The following MLXIPL variants were observed in gnomAD, a reference collection of about 807,000 sequenced individuals.
MLXIPL encodes MLX interacting protein like.
In MLXIPL, 49 loss-of-function variants were observed where a neutral mutation model predicts 81.5. The ratio of observed to expected loss-of-function variants is 0.60; its 90% CI spans 0.48 to 0.76. The LOEUF (loss-of-function observed/expected upper bound fraction) is 0.76. Among genes scored for constraint, MLXIPL ranks in the 30% least tolerant of loss-of-function variants. The pLI is 0.00. For synonymous variants in MLXIPL, 466 were observed against 485.5 expected (o/e 0.96, Z 0.53); for missense variants, 1,053 against 1,167.0 (o/e 0.90, Z 1.42).
the MLXIPL span, among the ~76,000 whole-genome samples, chr7:73,647,779 A>G: frequency 7.3e-5 from 11 of 151,640 alleles, no homozygotes; most frequent in African/African-American, 2.7e-4. Flanking sequence ...CCTCACCTGG[A>G]ATCCGCTCGA....
the MLXIPL span, among the ~76,000 whole-genome samples, chr7:73,642,136 A>T: frequency 6.6e-6 from 1 of 152,088 alleles, no homozygotes; most frequent in Non-Finnish European, 1.5e-5. Flanking sequence ...GCACTCAGTA[A>T]ATCATTTTAC....
At chr7:73,627,090 C>T (rs1796766881), upstream of MLXIPL, among the ~76,000 whole-genome samples, 1 of 152,118 alleles carries the variant, frequency 6.6e-6, no homozygotes, top group African/African-American at 2.4e-5. Context: ...TCCCAGGAGC[C>T]CCAGCTGTTC....
rs572195722 is a variant in MLXIPL at position 73,601,599 on chromosome 7, C to T, written c.902-1904G>A. Among the ~76,000 whole-genome samples, 3 of 152,250 alleles carry T rather than the reference C, an allele frequency of 2.0e-5. No homozygotes were observed. In the South Asian group the frequency reaches 6.2e-4, roughly 32 times the overall value. ...AGGTTGGAATGCGGTGGCACCATCTCGGCTCACTGCAACCTCCACCTCCTG... is the reference window on the plus strand; with the variant it reads ...AGGTTGGAATGCGGTGGCACCATCTTGGCTCACTGCAACCTCCACCTCCTG... On this transcript the variant is annotated intron_variant, in intron 7 of 16. Transcript: ENST00000313375.
chr7:73,621,629 G>C (rs1796351340), intron 1 of MLXIPL, among the ~76,000 whole-genome samples: 1 of 151,118 alleles, frequency 6.6e-6, no homozygotes, highest in Non-Finnish European at 1.5e-5. Flanking sequence ...CTACCAAATG[G>C]GGAAATCTAG....
intron 7 of MLXIPL, among the ~76,000 whole-genome samples, chr7:73,601,176 A>AGT (rs55639253): frequency 0.038 from 5,228 of 137,660 alleles, 93 homozygotes; most frequent in South Asian, 0.087. Context: ...TGCAGGGTCA[A>AGT]GTGTGTGTGT....
chr7:73,594,520 C>T (rs1554593028), intron 15 of MLXIPL, 117 bp from the exon 16 acceptor site: 6 of 1,290,854 alleles, frequency 4.6e-6, no homozygotes, highest in Non-Finnish European at 4.4e-6. Flanking sequence ...TAACGTTGAA[C>T]CCCAATGACT....
chr7:73,631,157 C>T, the MLXIPL span, among the ~76,000 whole-genome samples: 2 of 151,902 alleles, frequency 1.3e-5, no homozygotes, highest in Non-Finnish European at 2.9e-5. Flanking sequence ...TACAGGTGCC[C>T]GCCACCACGC....
At chr7:73,647,883 C>T in the MLXIPL span, among the ~76,000 whole-genome samples, 2 of 151,072 alleles carry the variant, frequency 1.3e-5, no homozygotes, top group African/African-American at 2.4e-5. Flanking sequence ...CCGGCGCCTT[C>T]TCCGCGCGGG....
Position 73,605,731 on chromosome 7 carries a change from C to G in MLXIPL, c.858G>C (p.Leu286=). 1 of 1,613,740 alleles carries G rather than the reference C, an allele frequency of 6.2e-7. No homozygotes were observed. The highest frequency in any genetic ancestry group is 8.5e-7 in the Non-Finnish European group (1 of 1,179,898). ...VGNADMIQPD[L]TPLQPSLDDF... The stretch of plus-strand genomic sequence containing the variant: ...CATCCAGGCTTGGCTGCAGTGGCGT[C>G]AGGTCCGGCTGGATCATGTCAGCAT... Residue 286 remains leucine, a synonymous_variant, in exon 7 of 17, where the codon CTG becomes CTC. Transcript: ENST00000313375.
At chr7:73,602,125 T>TTCCTTCCTTCCTTCCTTCCTTCCC in intron 7 of MLXIPL, among the ~76,000 whole-genome samples, 1 of 145,706 alleles carries the variant, frequency 6.9e-6, no homozygotes, top group East Asian at 2.0e-4. Context: ...CCTGCCTGCC[T>TTCCTTCCTTCCTTCCTTCCTTCCC]GCCTGCCTTC....
At chr7:73,599,410 A>G in intron 8 of MLXIPL, 116 bp downstream of exon 8, 1 of 1,319,324 alleles carries the variant, frequency 7.6e-7, no homozygotes, top group Non-Finnish European at 1.1e-6. Flanking sequence ...TTTCCCTCCA[A>G]TCTCCAAGCA....
chr7:73,596,742 C>A lies in MLXIPL; in HGVS notation c.1719G>T (p.Pro573=), dbSNP rs200461807. ...EFPCTFLPPT[P]APTPPRPPPG... ...GAGGTGGCCGGGGCGGTGTAGGGGCCGGGGTCGGGGGAAGGAATGTGCAGG... is the reference window on the plus strand; with the variant it reads ...GAGGTGGCCGGGGCGGTGTAGGGGCAGGGGTCGGGGGAAGGAATGTGCAGG... The change falls in exon 11 of 17, where the codon CCG becomes CCT. Residue 573 remains proline, a synonymous_variant. Coordinates refer to ENST00000313375, the MANE Select transcript of MLXIPL (RefSeq NM_032951.3). This position sits in a 1 kb window ranked among gnomAD's most constrained non-coding sequence, Gnocchi z 4.7. The A allele has an allele frequency of 1.9e-6, 3 of 1,595,452 alleles. No individual in the cohort carries two copies.
chr7:73,628,106 G>A (rs972398870), upstream of MLXIPL, among the ~76,000 whole-genome samples: 1 of 152,110 alleles, frequency 6.6e-6, no homozygotes, highest in African/African-American at 2.4e-5. Flanking sequence ...ACGGGCATGA[G>A]CCACTGTGCC....
the MLXIPL span, among the ~76,000 whole-genome samples, chr7:73,629,909 G>A: frequency 6.6e-6 from 1 of 152,094 alleles, no homozygotes; most frequent in Non-Finnish European, 1.5e-5. Flanking sequence ...CCTTTATGGA[G>A]CACTTACCAC....
rs1353208686 is a variant in MLXIPL at position 73,596,502 on chromosome 7, C to T, written c.1823-23G>A. ...TGCCTGTGGTAGGGACAGACAGACC[C>T]ACAGAAAGACCGACCCAGGGGAAAG... is the stretch of plus-strand genomic sequence containing the variant. On this transcript the variant is annotated intron_variant, in intron 11 of 16. Transcript: ENST00000313375. This position sits in a 1 kb window ranked among gnomAD's most constrained non-coding sequence, Gnocchi z 4.7. 1.2e-6 allele frequency: 2 copies of T among 1,612,414 alleles called. No homozygotes were observed. Among genetic ancestry groups the T allele is most frequent in the South Asian group, 1.1e-5 (1 of 91,048 alleles).
chr7:73,593,783 T>G lies in MLXIPL; in HGVS notation c.*82A>C, dbSNP rs555729695. ...GCCAGGGCCTGGGGCAGGAAGGGAG[T>G]GCCCAGAGATGATCCCTGGAGCCCG... On this transcript the variant is annotated 3_prime_UTR_variant, in exon 17 of 17. Transcript: ENST00000313375. 2 of 1,213,210 alleles carry G rather than the reference T, an allele frequency of 1.6e-6. No homozygotes were observed. The highest frequency in any genetic ancestry group is 4.7e-5 in the East Asian group (2 of 42,940). The allele number at this position is 1,213,210 out of a possible 1,614,324, so 75.2% of individuals were successfully genotyped here. A position where few individuals can be genotyped will look rare whatever the true frequency, so the allele number is the denominator to read the frequency against.
At chr7:73,628,362 T>A (rs1796785208), upstream of MLXIPL, among the ~76,000 whole-genome samples, 2 of 152,148 alleles carry the variant, frequency 1.3e-5, no homozygotes, top group African/African-American at 4.8e-5. Context: ...GGCATCTGCA[T>A]CTCATTTCTG....
rs72649045 is a variant in MLXIPL at position 73,615,226 on chromosome 7, T to A, written c.400+845A>T. On this transcript the variant is annotated intron_variant, in intron 2 of 16. Transcript: ENST00000313375. ...GCTCTGGGCAACTCTAAGTCCAGAG[T>A]TCCTTCCACGAGATGGCATGGCCTC... 2.3e-3 allele frequency among the ~76,000 whole-genome samples: 353 copies of A among 152,056 alleles called. 3 individuals carry two copies. Among genetic ancestry groups the A allele is most frequent in the Non-Finnish European group, 3.7e-3 (252 of 67,964 alleles).
the MLXIPL span, among the ~76,000 whole-genome samples, chr7:73,629,956 G>C: frequency 6.8e-6 from 1 of 148,068 alleles, no homozygotes; most frequent in Non-Finnish European, 1.5e-5. Flanking sequence ...CAGCCCCTTG[G>C]CTTGTCTTTT....
Sources: gnomAD v4.1 joint callset for allele counts (sites outside exome capture counted in the v4.1 genomes callset) on GRCh38, gnomAD v4.1.1 for gene constraint, Gnocchi (gnomAD v3.1) non-coding constraint, MANE v1.5 for transcripts, NCBI Gene and HGNC (gene_info 2026-07-23, HGNC 2026-07-21) for gene names.